P2RX6: variants seen among roughly 807,000 people sequenced by gnomAD.
The protein encoded by P2RX6 is purinergic receptor P2X 6.
P2RX6 carries 62 observed loss-of-function variants against 54.2 expected under a neutral mutation model. The ratio of observed to expected loss-of-function variants is 1.14; its 90% CI spans 0.93 to 1.41. P2RX6 has a LOEUF of 1.41. P2RX6 is among the 40% of genes most tolerant of loss of function. The pLI, the probability that P2RX6 is intolerant of heterozygous loss-of-function variation, is 0.00. For synonymous variants in P2RX6, 211 were observed against 231.9 expected, an observed-to-expected ratio of 0.91 and a Z score of 0.82; for missense variants, 541 against 566.3, an observed-to-expected ratio of 0.96 and a Z score of 0.45.
upstream of P2RX6, among the ~76,000 whole-genome samples, chr22:21,011,987 C>G (rs1006769847): frequency 1.3e-5 from 2 of 152,218 alleles, no homozygotes; most frequent in African/African-American, 4.8e-5. Context: ...TTACATGGGT[C>G]ACACACTCTG....
Position 21,025,892 on chromosome 22 carries a change from C to G in P2RX6, c.978C>G (p.Thr326=). 6.3e-7 allele frequency: 1 copy of G among 1,578,070 alleles called. No homozygotes were observed. The highest frequency in any genetic ancestry group is 8.6e-7 in the Non-Finnish European group (1 of 1,162,416). Residue 326 remains threonine, a synonymous_variant, in exon 9 of 12, where the codon ACC becomes ACG. Transcript: ENST00000413302. ...LYGIRFDILV[T]GQAGKFGLIP... is the part of the protein sequence containing the mutation. ...GAATCCGCTTCGACATCCTCGTCAC[C>G]GGGCAGGTAGGCACAGGTAGGGGTC... is the stretch of plus-strand genomic sequence containing the variant.
chr22:21,018,250 A>G (rs2148023262), intron 3 of P2RX6, 190 bp downstream of exon 3: 2 of 590,220 alleles, frequency 3.4e-6, no homozygotes, highest in African/African-American at 3.7e-5. Context: ...CCTGGTAGGA[A>G]GTCCTGTGAT....
At chr22:21,012,650 A>C (rs1353462019), upstream of P2RX6, 4 of 547,746 alleles carry the variant, frequency 7.3e-6, no homozygotes, top group South Asian at 2.0e-5. Flanking sequence ...GAAGCCAGAG[A>C]CCGGCGCCCT....
At chr22:21,014,546 C>T (rs1569166980), upstream of P2RX6, among the ~76,000 whole-genome samples, 2 of 152,192 alleles carry the variant, frequency 1.3e-5, no homozygotes, top group Non-Finnish European at 2.9e-5. Flanking sequence ...GTTCCAGCAT[C>T]GCCCCCCTTT....
At chr22:21,018,122 C>A in intron 3 of P2RX6, 62 bp downstream of exon 3, 1 of 1,041,548 alleles carries the variant, frequency 9.6e-7, no homozygotes, top group Non-Finnish European at 1.5e-6. Flanking sequence ...CAGGGGGCCA[C>A]CCGTGTTTCC....
intron 3 of P2RX6, among the ~76,000 whole-genome samples, chr22:21,021,156 C>T (rs1485792219): frequency 2.0e-5 from 3 of 150,892 alleles, no homozygotes; most frequent in Non-Finnish European, 3.0e-5. Flanking sequence ...CTTTTTTTTC[C>T]TGTAGCAATG....
At chr22:21,014,970 C>T, upstream of P2RX6, 1 of 497,558 alleles carries the variant, frequency 2.0e-6, no homozygotes, top group East Asian at 3.6e-5. Flanking sequence ...TGCTGCTGTT[C>T]TCTGTGTGCC....
chr22:21,015,854 G>A (rs534895800), intron 1 of P2RX6, 88 bp from the exon 2 acceptor site: 3 of 1,366,272 alleles, frequency 2.2e-6, no homozygotes, highest in Admixed American at 2.3e-5. Context: ...TGTAGGGTGT[G>A]GGGGGAGAAC....
At chr22:21,010,223 ATG>A (rs1415546681), upstream of P2RX6, 3 of 152,222 alleles carry the variant, frequency 2.0e-5, no homozygotes, top group Non-Finnish European at 4.4e-5. Flanking sequence ...CCTCATGTAC[ATG>A]TGTCTGTTTG....
intron 8 of P2RX6, among the ~76,000 whole-genome samples, chr22:21,025,505 A>T: frequency 6.6e-6 from 1 of 152,140 alleles, no homozygotes; most frequent in East Asian, 1.9e-4. Context: ...CCCAGGGAAG[A>T]GTGAGTTCCC....
chr22:21,018,308 T>A, intron 3 of P2RX6: 1 of 487,234 alleles, frequency 2.1e-6, no homozygotes, highest in Non-Finnish European at 3.8e-6. Context: ...TGAGTCACTT[T>A]CTTAAGGCCT....
At chr22:21,024,747 T>C (rs561185532) in intron 8 of P2RX6, among the ~76,000 whole-genome samples, 1 of 151,504 alleles carries the variant, frequency 6.6e-6, no homozygotes. Context: ...ATTTTTGTAT[T>C]TTTAGTAGAG....
At chr22:21,023,732 A>G (rs1226222303) in intron 8 of P2RX6, 114 bp downstream of exon 8, 4 of 725,180 alleles carry the variant, frequency 5.5e-6, no homozygotes, top group African/African-American at 5.3e-5. Flanking sequence ...TACGTGTGCA[A>G]GGGGGTCCCA....
intron 3 of P2RX6, among the ~76,000 whole-genome samples, chr22:21,021,769 C>T (rs1927444348): frequency 6.6e-6 from 1 of 152,100 alleles, no homozygotes; most frequent in African/African-American, 2.4e-5. Context: ...AGAAAGCTCA[C>T]CTGTCCTCCC....
intron 8 of P2RX6, among the ~76,000 whole-genome samples, chr22:21,025,591 C>T (rs1041710177): frequency 2.0e-5 from 3 of 152,192 alleles, no homozygotes; most frequent in Non-Finnish European, 2.9e-5. Context: ...ACTCCTCTGT[C>T]CCCCGTCCTC....
At chr22:21,017,288 A>G (rs1569170719) in intron 2 of P2RX6, among the ~76,000 whole-genome samples, 1 of 152,152 alleles carries the variant, frequency 6.6e-6, no homozygotes, top group South Asian at 2.1e-4. Flanking sequence ...TCCCAGCACC[A>G]TCTGGCCAGC....
chr22:21,027,095 G>A lies in P2RX6; in HGVS notation c.*478G>A, dbSNP rs1183933670. On this transcript the variant is annotated 3_prime_UTR_variant, in exon 12 of 12. Coordinates refer to ENST00000413302, the MANE Select transcript of P2RX6 (RefSeq NM_005446.5). ...GGGGCTGTGCAGCTGGAGCCAAAAA[G>A]GCAAGGTAGAAAGAGGAGTGATGGG... 15 of 166,240 alleles carry A rather than the reference G, an allele frequency of 9.0e-5. No individual in the cohort carries two copies. The highest frequency in any genetic ancestry group is 1.6e-4 in the Non-Finnish European group (12 of 76,774). 10.3% of individuals were successfully genotyped at this position (166,240 alleles called of 1,614,324 possible). A position where few individuals can be genotyped will look rare whatever the true frequency, so the allele number is the denominator to read the frequency against.
Position 21,026,454 on chromosome 22 carries a change from G to A in P2RX6, c.1163G>A (p.Trp388Ter). ...CCGAAAGCAACCGCCAACTCTGTGT[G>A]GAGGGAGCTGGCCCTTGCATCCCAA... ...KAPKATANSVWRELALASQAR... is the reference protein window; with the variant it reads ...KAPKATANSV Residue 388 changes from tryptophan (W) to a stop codon, truncating the protein, a stop_gained, in exon 12 of 12, where the codon TGG becomes TAG. Transcript: ENST00000413302. LOFTEE classifies it low-confidence loss of function (END_TRUNC). The surrounding 1 kb of genome is among the most constrained non-coding windows in gnomAD (Gnocchi z 4.0). 1 of 1,603,662 alleles carries A rather than the reference G, an allele frequency of 6.2e-7. No homozygotes were observed.
At chr22:21,010,963 T>C (rs570772398), upstream of P2RX6, among the ~76,000 whole-genome samples, 2 of 152,042 alleles carry the variant, frequency 1.3e-5, no homozygotes, top group Admixed American at 1.3e-4. Flanking sequence ...CTTCCCACCC[T>C]GCACATTTCA....
Sources: gnomAD v4.1 joint callset for allele counts (sites outside exome capture counted in the v4.1 genomes callset) on GRCh38, gnomAD v4.1.1 for gene constraint, Gnocchi (gnomAD v3.1) non-coding constraint, MANE v1.5 for transcripts, NCBI Gene and HGNC (gene_info 2026-07-23, HGNC 2026-07-21) for gene names.